Variants in PRKN observed in about 807,000 individuals in gnomAD.
PRKN encodes the protein parkin RBR E3 ubiquitin protein ligase.
In PRKN, 56 loss-of-function variants were observed where a neutral mutation model predicts 59.5. That is an observed-to-expected ratio of 0.94 (90% CI 0.76 to 1.18). PRKN has a LOEUF of 1.18. PRKN is among the 50% of genes most tolerant of loss of function. The probability of loss-of-function intolerance (pLI) is 0.00; values close to 1 mark genes in which losing one functional copy is unlikely to be tolerated. For synonymous variants in PRKN, 250 were observed against 222.1 expected, an observed-to-expected ratio of 1.13 and a Z score of -1.12; for missense variants, 657 against 596.4, an observed-to-expected ratio of 1.10 and a Z score of -1.06.
intron 1 of PRKN, among the ~76,000 whole-genome samples, chr6:162,643,397 C>CAAAAAAA (rs59995115): frequency 0.081 from 6,625 of 81,998 alleles, 577 homozygotes; most frequent in Admixed American, 0.11. Context: ...GACTCTGCCT[C>CAAAAAAA]AAAAAAAAAA....
intron 2 of PRKN, among the ~76,000 whole-genome samples, chr6:162,354,061 A>G (rs1784739224): frequency 6.6e-6 from 1 of 152,124 alleles, no homozygotes; most frequent in Non-Finnish European, 1.5e-5. Context: ...TTATCTCTTC[A>G]TATGAAATGG....
rs992762283 is a variant in PRKN, at chr6:161,354,334, T to A, written c.1286-4123A>T. 1.3e-5 allele frequency among the ~76,000 whole-genome samples: 2 copies of A among 152,194 alleles called. No homozygotes were observed. Among genetic ancestry groups the A allele is most frequent in the Non-Finnish European group, 2.9e-5 (2 of 68,038 alleles). On this transcript the variant is annotated intron_variant, in intron 11 of 11. Transcript: ENST00000366898. This position sits in a 1 kb window ranked among gnomAD's most constrained non-coding sequence, Gnocchi z 6.7. Reference sequence around the variant, plus strand: ...GACATGAAGGGAATATGGCTTCCTTTGTAGTGAGTTCTGTCTGCAGATGGA... The same window carrying A: ...GACATGAAGGGAATATGGCTTCCTTAGTAGTGAGTTCTGTCTGCAGATGGA...
Position 161,527,541 on chromosome 6 carries a change from G to A in PRKN, c.1083+21313C>T, listed in dbSNP as rs958750912. ...ATGCCTTCTGCTACCAAGTGCTGTG[G>A]CCTCTCTCTGCCTGAGGGGTGGAGT... is the stretch of plus-strand genomic sequence containing the variant. On this transcript the variant is annotated intron_variant, in intron 9 of 11. Transcript: ENST00000366898. This position sits in a 1 kb window ranked among gnomAD's most constrained non-coding sequence, Gnocchi z 4.6. Among the ~76,000 whole-genome samples, 14 of 152,182 alleles carry A rather than the reference G, an allele frequency of 9.2e-5. No individual in the cohort carries two copies. Among genetic ancestry groups the A allele is most frequent in the Admixed American group, 7.2e-4 (11 of 15,278 alleles).
intron 6 of PRKN, among the ~76,000 whole-genome samples, chr6:161,789,936 T>C (rs1299739524): frequency 6.6e-6 from 1 of 152,192 alleles, no homozygotes; most frequent in Non-Finnish European, 1.5e-5. Context: ...ATTGAACATC[T>C]ACTTTGACTA....
chr6:161,830,760 T>C (rs1008742582), intron 6 of PRKN, among the ~76,000 whole-genome samples: 1 of 152,198 alleles, frequency 6.6e-6, no homozygotes, highest in Admixed American at 6.5e-5. Flanking sequence ...CTCACATACT[T>C]ATGATTTTTT....
At chr6:161,857,852 A>C (rs1360334270) in intron 6 of PRKN, among the ~76,000 whole-genome samples, 1 of 152,174 alleles carries the variant, frequency 6.6e-6, no homozygotes, top group Non-Finnish European at 1.5e-5. Flanking sequence ...AAAGAGGAAG[A>C]CACAACTTCA....
At chr6:162,527,434 T>C (rs1039018154) in intron 1 of PRKN, among the ~76,000 whole-genome samples, 1 of 152,126 alleles carries the variant, frequency 6.6e-6, no homozygotes, top group South Asian at 2.1e-4. Flanking sequence ...TTACAAAGGT[T>C]GAATAAAAAA....
chr6:162,445,894 A>G (rs1449271653), intron 1 of PRKN, among the ~76,000 whole-genome samples: 1 of 151,956 alleles, frequency 6.6e-6, no homozygotes, highest in African/African-American at 2.4e-5. Context: ...GGGCCCCAAA[A>G]CAGACGTGAC....
At position 161,930,897 on chromosome 6, in the gene PRKN, T is replaced by C. The variant is rs372517023; in HGVS notation, c.734+42405A>G. 7.6e-4 allele frequency among the ~76,000 whole-genome samples: 116 copies of C among 152,276 alleles called. 1 individual carries two copies. In the South Asian group the frequency reaches 0.011, roughly 14 times the overall value. The stretch of plus-strand genomic sequence containing the variant: ...ATGAAAGGGGCCATGGGCCCAGGAA[T>C]GGCAGCACCTCCAGAACCTGGAAAG... On this transcript the variant is annotated intron_variant, in intron 6 of 11. Transcript: ENST00000366898.
intron 6 of PRKN, among the ~76,000 whole-genome samples, chr6:161,851,205 C>T (rs1235344650): frequency 2.0e-5 from 3 of 152,064 alleles, no homozygotes; most frequent in Non-Finnish European, 2.9e-5. Context: ...ATGCATTTGG[C>T]CCATTTCTCT....
At chr6:162,520,007 T>A (rs1467381452) in intron 1 of PRKN, among the ~76,000 whole-genome samples, 1 of 152,156 alleles carries the variant, frequency 6.6e-6, no homozygotes, top group Non-Finnish European at 1.5e-5. Flanking sequence ...CCCAATGCTT[T>A]GGAAGGCCAA....
At chr6:161,970,909 C>A (rs1480337489) in intron 6 of PRKN, among the ~76,000 whole-genome samples, 1 of 152,012 alleles carries the variant, frequency 6.6e-6, no homozygotes, top group Non-Finnish European at 1.5e-5. Context: ...CAGGAAAAAC[C>A]CCACAATGAT....
chr6:162,046,283 C>T (rs1019224405), intron 5 of PRKN, among the ~76,000 whole-genome samples: 6 of 152,076 alleles, frequency 3.9e-5, no homozygotes, highest in Non-Finnish European at 5.9e-5. Context: ...GTTTATAAAC[C>T]GGTATAAAAT....
intron 1 of PRKN, among the ~76,000 whole-genome samples, chr6:162,468,144 G>A (rs962964055): frequency 5.3e-5 from 8 of 152,138 alleles, no homozygotes; most frequent in African/African-American, 1.9e-4. Flanking sequence ...TATTCACAGG[G>A]ACTAATAAAA....
chr6:162,519,833 ATTTCAT>A (rs1202892018), intron 1 of PRKN, among the ~76,000 whole-genome samples: 2 of 152,198 alleles, frequency 1.3e-5, no homozygotes, highest in Non-Finnish European at 2.9e-5. Flanking sequence ...TTTTGCTGTA[ATTTCAT>A]ATATGAAGGA....
intron 7 of PRKN, among the ~76,000 whole-genome samples, chr6:161,676,290 A>G (rs1016595419): frequency 1.5e-4 from 23 of 152,220 alleles, no homozygotes; most frequent in African/African-American, 5.5e-4. Flanking sequence ...GACCCACTAC[A>G]TTAATTTGCA....
chr6:162,371,222 A>C (rs1335075805), intron 2 of PRKN, among the ~76,000 whole-genome samples: 1 of 152,152 alleles, frequency 6.6e-6, no homozygotes, highest in Non-Finnish European at 1.5e-5. Context: ...CTCATGTATT[A>C]TTTCAAGCAG....
At chr6:162,132,614 G>C (rs960092277) in intron 4 of PRKN, among the ~76,000 whole-genome samples, 1 of 152,258 alleles carries the variant, frequency 6.6e-6, no homozygotes, top group Middle Eastern at 3.4e-3. Context: ...GAAGAGACCA[G>C]TATGACATCT....
intron 4 of PRKN, among the ~76,000 whole-genome samples, chr6:162,061,687 G>T (rs1778112201): frequency 6.6e-6 from 1 of 152,098 alleles, no homozygotes; most frequent in Non-Finnish European, 1.5e-5. Flanking sequence ...CATAATAAAT[G>T]CAATCATTAA....
Sources: allele counts gnomAD v4.1 joint callset (sites outside exome capture counted in the v4.1 genomes callset), GRCh38; gene constraint gnomAD v4.1.1; non-coding constraint Gnocchi (gnomAD v3.1); transcripts MANE v1.5; gene names NCBI Gene and HGNC (gene_info 2026-07-23, HGNC 2026-07-21).